ADAMTSL3: variants seen among roughly 807,000 people sequenced by gnomAD.
ADAMTSL3 encodes ADAMTS like 3, also known as ADAMTS-like protein 3.
A neutral mutation model predicts 201.7 loss-of-function variants in ADAMTSL3; 128 were observed. That is an observed-to-expected ratio of 0.63 (90% confidence interval 0.55 to 0.73). The LOEUF is 0.73. Ranked by LOEUF, ADAMTSL3 falls within the 30% of genes least tolerant of loss-of-function variation. The probability of loss-of-function intolerance (pLI) is 0.00; values close to 1 mark genes in which losing one functional copy is unlikely to be tolerated. For synonymous variants in ADAMTSL3, 738 were observed against 748.4 expected (o/e 0.99, Z 0.23); for missense variants, 1,990 against 2,119.6 (o/e 0.94, Z 1.20).
chr15:83,742,065 T>TA (rs1340005842), intron 3 of ADAMTSL3, among the ~76,000 whole-genome samples: 1 of 152,086 alleles, frequency 6.6e-6, no homozygotes, highest in Non-Finnish European at 1.5e-5. Flanking sequence ...TTGGGAAAGT[T>TA]CGAAAAAAAT....
chr15:83,677,509 G>A (rs1237832480), intron 2 of ADAMTSL3, among the ~76,000 whole-genome samples: 1 of 151,554 alleles, frequency 6.6e-6, no homozygotes, highest in Non-Finnish European at 1.5e-5. Context: ...GTAGAACTTT[G>A]CTCTATGTCT....
chr15:83,926,540 G>A (rs986068458), intron 17 of ADAMTSL3, among the ~76,000 whole-genome samples: 7 of 151,920 alleles, frequency 4.6e-5, no homozygotes, highest in African/African-American at 1.7e-4. Context: ...GAGCATCCTC[G>A]ATTTAAAGCC....
At chr15:83,837,643 G>A (rs1482534313) in intron 6 of ADAMTSL3, among the ~76,000 whole-genome samples, 2 of 151,740 alleles carry the variant, frequency 1.3e-5, no homozygotes, top group South Asian at 2.1e-4. Context: ...GCTGGGTGTT[G>A]GGGCACAGGC....
At chr15:83,719,737 G>GT (rs1055029319) in intron 3 of ADAMTSL3, among the ~76,000 whole-genome samples, 1 of 152,014 alleles carries the variant, frequency 6.6e-6, no homozygotes, top group African/African-American at 2.4e-5. Flanking sequence ...ATAGTAAAAG[G>GT]TAAAAGATAA....
intron 17 of ADAMTSL3, among the ~76,000 whole-genome samples, chr15:83,937,435 A>G (rs2066480612): frequency 6.6e-6 from 1 of 150,856 alleles, no homozygotes; most frequent in Admixed American, 6.6e-5. Flanking sequence ...ACGTGTCCTC[A>G]TTTATAAGTA....
At chr15:83,779,697 CAAAAAAAAA>C (rs199855902) in intron 4 of ADAMTSL3, among the ~76,000 whole-genome samples, 2 of 72,096 alleles carry the variant, frequency 2.8e-5, no homozygotes, top group Non-Finnish European at 2.7e-5. Context: ...GACTCCATCT[CAAAAAAAAA>C]AAAAAAAAAA....
intron 11 of ADAMTSL3, 76 bp downstream of exon 11, chr15:83,890,323 C>T (rs913415118): frequency 2.0e-6 from 3 of 1,520,502 alleles, no homozygotes; most frequent in East Asian, 2.3e-5. Flanking sequence ...TCAATCTTTG[C>T]AGGGCAATAC....
intron 27 of ADAMTSL3, among the ~76,000 whole-genome samples, chr15:84,029,678 G>A (rs967239522): frequency 3.3e-5 from 5 of 152,188 alleles, no homozygotes; most frequent in Admixed American, 2.6e-4. Context: ...GCTGGCTGCA[G>A]AAATTTGCAT....
At chr15:83,802,825 A>G (rs1395392516) in intron 4 of ADAMTSL3, among the ~76,000 whole-genome samples, 1 of 152,218 alleles carries the variant, frequency 6.6e-6, no homozygotes, top group Non-Finnish European at 1.5e-5. Context: ...TATACATCCC[A>G]AATAGAATTT....
chr15:83,709,286 A>G lies in ADAMTSL3; in HGVS notation c.189+4778A>G, dbSNP rs115354915. ...GAAATTAAAATGGCACTGACTTTCT[A>G]TTGGATGGGCACATTCTTAGAATAA... On this transcript the variant is annotated intron_variant, in intron 3 of 29. Transcript: ENST00000286744. Among the ~76,000 whole-genome samples, 274 of 152,284 alleles carry G rather than the reference A, an allele frequency of 1.8e-3. 1 individual carries two copies. The highest frequency in any genetic ancestry group is 6.4e-3 in the African/African-American group (268 of 41,572).
chr15:83,863,685 T>C (rs988522279), intron 8 of ADAMTSL3, among the ~76,000 whole-genome samples: 1 of 151,962 alleles, frequency 6.6e-6, no homozygotes, highest in African/African-American at 2.4e-5. Context: ...ATTGACACCC[T>C]CACATCACAA....
At chr15:83,819,697 C>G in intron 5 of ADAMTSL3, 114 bp from the exon 6 acceptor site, 1 of 799,770 alleles carries the variant, frequency 1.3e-6, no homozygotes, top group Non-Finnish European at 2.1e-6. Context: ...TTAGGTGACT[C>G]CCAGAGAGAG....
intron 2 of ADAMTSL3, among the ~76,000 whole-genome samples, chr15:83,676,532 G>C (rs1189840438): frequency 6.6e-6 from 1 of 152,126 alleles, no homozygotes; most frequent in Non-Finnish European, 1.5e-5. Context: ...CAAAAAATTA[G>C]CCGGGCTTGG....
intron 4 of ADAMTSL3, among the ~76,000 whole-genome samples, chr15:83,785,731 A>G (rs898539285): frequency 2.6e-5 from 4 of 151,458 alleles, no homozygotes; most frequent in African/African-American, 4.8e-5. Flanking sequence ...CTTTTTCTTC[A>G]TGAATACCAG....
chr15:83,802,344 A>T (rs1348627831), intron 4 of ADAMTSL3, among the ~76,000 whole-genome samples: 1 of 152,190 alleles, frequency 6.6e-6, no homozygotes, highest in Non-Finnish European at 1.5e-5. Context: ...TGGACTCAGA[A>T]ATCCCACTTC....
At chr15:83,749,412 G>A (rs760453287) in intron 3 of ADAMTSL3, among the ~76,000 whole-genome samples, 32 of 152,264 alleles carry the variant, frequency 2.1e-4, no homozygotes, top group Non-Finnish European at 3.1e-4. Flanking sequence ...TGGGGATTCT[G>A]GGCAGCTGTC....
chr15:83,884,728 A>G (rs1437914560), intron 9 of ADAMTSL3, among the ~76,000 whole-genome samples: 1 of 152,214 alleles, frequency 6.6e-6, no homozygotes, highest in Non-Finnish European at 1.5e-5. Context: ...ACTATGTGCT[A>G]TATTGTGAGC....
intron 17 of ADAMTSL3, among the ~76,000 whole-genome samples, chr15:83,927,331 G>A (rs1298446694): frequency 2.0e-5 from 3 of 151,910 alleles, no homozygotes; most frequent in East Asian, 1.9e-4. Flanking sequence ...TGGCCAGGCC[G>A]ATCTCAAACT....
intron 3 of ADAMTSL3, among the ~76,000 whole-genome samples, chr15:83,737,924 G>C (rs908232529): frequency 6.6e-6 from 1 of 152,152 alleles, no homozygotes; most frequent in Admixed American, 6.6e-5. Flanking sequence ...AGAAGACAGA[G>C]ACACTATTAA....
Sources: gnomAD v4.1 joint callset for allele counts (sites outside exome capture counted in the v4.1 genomes callset) on GRCh38, gnomAD v4.1.1 for gene constraint, MANE v1.5 for transcripts, NCBI Gene and HGNC (gene_info 2026-07-23, HGNC 2026-07-21) for gene names.